Variants in RASA3 observed in about 807,000 individuals in gnomAD.
The protein encoded by RASA3 is ras GTPase-activating protein 3.
In RASA3, 73 loss-of-function variants were observed where a neutral mutation model predicts 110.0. The observed-to-expected ratio is 0.66, with a 90% CI of 0.55 to 0.81. RASA3 has a LOEUF of 0.81. Among genes scored for constraint, RASA3 ranks in the 30% least tolerant of loss-of-function variants. The pLI is 0.00. For synonymous variants in RASA3, 500 were observed against 451.4 expected, an observed-to-expected ratio of 1.11 and a Z score of -1.37; for missense variants, 976 against 1,113.2, an observed-to-expected ratio of 0.88 and a Z score of 1.75.
At chr13:114,043,354 T>C (rs1460261340) in intron 3 of RASA3, among the ~76,000 whole-genome samples, 1 of 152,118 alleles carries the variant, frequency 6.6e-6, no homozygotes, top group Non-Finnish European at 1.5e-5. Context: ...CACGTCAGCA[T>C]CTTCATCTGA....
chr13:114,080,206 C>G (rs551906297), intron 1 of RASA3, among the ~76,000 whole-genome samples: 7 of 152,266 alleles, frequency 4.6e-5, no homozygotes, highest in African/African-American at 9.6e-5. Flanking sequence ...CTCAAGAGGA[C>G]TCCTGTGGGT....
At chr13:113,999,365 C>A (rs2053329855) in intron 20 of RASA3, among the ~76,000 whole-genome samples, 1 of 152,126 alleles carries the variant, frequency 6.6e-6, no homozygotes, top group Non-Finnish European at 1.5e-5. Context: ...TTCCACCCCA[C>A]CCCGGTGACC....
chr13:114,065,625 C>T lies in RASA3; in HGVS notation c.173+8095G>A, dbSNP rs763133531. ...AGCACATGGCCAGTGCAGGGCCACACAGCCCTGGCTCCCACAGACCGCAGG... is the reference window on the plus strand; with the variant it reads ...AGCACATGGCCAGTGCAGGGCCACATAGCCCTGGCTCCCACAGACCGCAGG... On this transcript the variant is annotated intron_variant, in intron 2 of 23. Coordinates refer to ENST00000334062, the MANE Select transcript of RASA3 (RefSeq NM_007368.4). The surrounding 1 kb of genome is among the most constrained non-coding windows in gnomAD (Gnocchi z 4.1). Among the ~76,000 whole-genome samples the T allele has an allele frequency of 1.6e-4, 24 of 152,334 alleles. No homozygotes were observed. Among genetic ancestry groups the T allele is most frequent in the Non-Finnish European group, 2.9e-4 (20 of 68,032 alleles).
At chr13:114,119,837 CCT>C (rs1325613962) in intron 1 of RASA3, among the ~76,000 whole-genome samples, 9 of 115,776 alleles carry the variant, frequency 7.8e-5, no homozygotes, top group African/African-American at 1.9e-4. Context: ...CAAGTCCCCC[CCT>C]TCTCTCCAGC....
At chr13:114,019,826 G>GC (rs1185184726) in intron 9 of RASA3, among the ~76,000 whole-genome samples, 32 of 54,948 alleles carry the variant, frequency 5.8e-4, no homozygotes, top group African/African-American at 6.1e-4. Context: ...GGCATTAGCA[G>GC]CCCTGTCAGG....
At chr13:113,993,805 C>CAAAA (rs1566450353) in intron 21 of RASA3, among the ~76,000 whole-genome samples, 15 of 41,324 alleles carry the variant, frequency 3.6e-4, no homozygotes, top group African/African-American at 2.3e-3. Context: ...GAGACTCTGC[C>CAAAA]TAAAAAAAAA....
chr13:114,131,052 TC>T (rs1337306483), intron 1 of RASA3, among the ~76,000 whole-genome samples: 1 of 152,242 alleles, frequency 6.6e-6, no homozygotes. Context: ...ACAAAAGAAA[TC>T]CCTCCTCTCT....
intron 14 of RASA3, among the ~76,000 whole-genome samples, chr13:114,013,990 ATC>A (rs750881538): frequency 4.4e-4 from 17 of 38,882 alleles, no homozygotes; most frequent in African/African-American, 1.6e-3. Context: ...CTCTCTCTCC[ATC>A]TCTCTCCGTC....
At chr13:114,080,176 C>G (rs1289662878) in intron 1 of RASA3, among the ~76,000 whole-genome samples, 1 of 152,154 alleles carries the variant, frequency 6.6e-6, no homozygotes, top group South Asian at 2.1e-4. Flanking sequence ...CCAGGGCTCT[C>G]CAGGGCACCA....
chr13:114,117,029 CGT>C (rs1200304559), intron 1 of RASA3, among the ~76,000 whole-genome samples: 1 of 98,838 alleles, frequency 1.0e-5, no homozygotes, highest in Non-Finnish European at 1.9e-5. Context: ...GAGGGGTGCA[CGT>C]GTGAGAGGGG....
chr13:114,018,731 C>T, intron 10 of RASA3, 32 bp downstream of exon 10: 1 of 1,608,784 alleles, frequency 6.2e-7, no homozygotes. Context: ...CACCTCCTGC[C>T]CACACCCACA....
intron 2 of RASA3, among the ~76,000 whole-genome samples, chr13:114,072,873 C>T (rs1389854461): frequency 7.2e-6 from 1 of 139,806 alleles, no homozygotes; most frequent in Non-Finnish European, 1.5e-5. Flanking sequence ...ACTGTCTACA[C>T]ACAGAAAAAT....
intron 1 of RASA3, among the ~76,000 whole-genome samples, chr13:114,095,815 G>T (rs1199210670): frequency 6.6e-6 from 1 of 152,120 alleles, no homozygotes; most frequent in Non-Finnish European, 1.5e-5. Context: ...GGTGACCCTG[G>T]GTCTCTTTCC....
At position 113,979,000 on chromosome 13, in the gene RASA3, C is replaced by G. The variant is rs1181197378; in HGVS notation, c.*347G>C. ...CACACACGGCCGGAGGTGCATGTCA[C>G]AGTCGACTAGACGGGCCGTGGCTCC... On this transcript the variant is annotated 3_prime_UTR_variant, in exon 24 of 24. Coordinates refer to ENST00000334062, the MANE Select transcript of RASA3 (RefSeq NM_007368.4). The G allele has an allele frequency of 2.7e-5, 9 of 332,382 alleles. No individual in the cohort carries two copies. In the East Asian group the frequency reaches 5.8e-4, roughly 21 times the overall value. The allele number at this position is 332,382 out of a possible 1,614,324, so 20.6% of individuals were successfully genotyped here.
intron 13 of RASA3, 129 bp from the exon 14 acceptor site, chr13:114,015,461 G>C: frequency 8.6e-7 from 1 of 1,160,006 alleles, no homozygotes; most frequent in South Asian, 1.4e-5. Context: ...GCGGCAGTGA[G>C]ACACGTGTGA....
chr13:114,019,830 T>C (rs1160548165), intron 9 of RASA3, among the ~76,000 whole-genome samples: 70 of 24,630 alleles, frequency 2.8e-3, no homozygotes, highest in African/African-American at 8.1e-3. Flanking sequence ...TTAGCAGCCC[T>C]GTCAGGTGGG....
intron 15 of RASA3, among the ~76,000 whole-genome samples, chr13:114,012,631 CCACA>C (rs1293439319): frequency 6.9e-6 from 1 of 145,634 alleles, no homozygotes; most frequent in African/African-American, 2.5e-5. Context: ...ACTCCTCATT[CCACA>C]CACACTCCCC....
intron 1 of RASA3, among the ~76,000 whole-genome samples, chr13:114,124,200 G>C (rs2080416659): frequency 6.6e-6 from 1 of 152,228 alleles, no homozygotes; most frequent in Admixed American, 6.5e-5. Flanking sequence ...AAATTTGGGT[G>C]ATTGTTCCAA....
chr13:114,126,426 C>CA (rs1196075976), intron 1 of RASA3, among the ~76,000 whole-genome samples: 1 of 152,196 alleles, frequency 6.6e-6, no homozygotes, highest in African/African-American at 2.4e-5. Flanking sequence ...CCTGAGACCT[C>CA]ACTCTCTCTT....
Sources: allele counts gnomAD v4.1 joint callset (sites outside exome capture counted in the v4.1 genomes callset), GRCh38; gene constraint gnomAD v4.1.1; non-coding constraint Gnocchi (gnomAD v3.1); transcripts MANE v1.5; gene names NCBI Gene and HGNC (gene_info 2026-07-23, HGNC 2026-07-21).